Variants in MED13 observed in about 807,000 individuals in gnomAD.
MED13 encodes the protein mediator complex subunit 13, also known as mediator of RNA polymerase II transcription subunit 13.
In MED13, 23 loss-of-function variants were observed where a neutral mutation model predicts 225.2. That is an observed-to-expected ratio of 0.10 (90% CI 0.07 to 0.14). The LOEUF (loss-of-function observed/expected upper bound fraction) is 0.14. Ranked by LOEUF, MED13 falls within the 10% of genes least tolerant of loss-of-function variation. MED13 has a pLI of 1.00. For missense variants in MED13, 2,197 were observed against 2,594.5 expected (o/e 0.85, Z 3.33); for synonymous variants, 942 against 889.2 (o/e 1.06, Z -1.06).
chr17:61,979,557 C>T (rs2080185619), intron 16 of MED13, among the ~76,000 whole-genome samples: 1 of 152,122 alleles, frequency 6.6e-6, no homozygotes, highest in South Asian at 2.1e-4. Context: ...GATCTGCCTG[C>T]CTCAGCCTCC....
chr17:62,043,187 AAG>A (rs1456997126), intron 3 of MED13, among the ~76,000 whole-genome samples: 46 of 149,148 alleles, frequency 3.1e-4, no homozygotes, highest in Non-Finnish European at 5.9e-4. Flanking sequence ...AAAAAAAAGA[AAG>A]AAAGAAAGAA....
chr17:61,995,043 T>C (rs893222990), intron 10 of MED13, 109 bp downstream of exon 10: 65 of 847,890 alleles, frequency 7.7e-5, no homozygotes, highest in Non-Finnish European at 1.1e-4. Context: ...ATGATTACTC[T>C]TTCTATTCTA....
In MED13 at chr17:61,946,959, T is replaced by C. The variant is rs1232366500; in HGVS notation, c.6350A>G (p.His2117Arg). The change falls in exon 29 of 30, where the codon CAC (histidine) becomes CGC (arginine). Residue 2117 changes from histidine to arginine, a missense_variant. This residue lies in a region of MED13 where 216 missense variants were observed against 388.9 expected (regional missense o/e 0.56). Transcript: ENST00000397786. ...VQSDELLHSKHSHPLDSNQTS... is the reference protein window; with the variant it reads ...VQSDELLHSKRSHPLDSNQTS... ...CTGATTTGAGTCAAGTGGGTGGGAG[T>C]GTTTACTGTGAAGCAGCTCGTCAGA... 6.2e-7 allele frequency: 1 copy of C among 1,613,766 alleles called. No homozygotes were observed. The highest frequency in any genetic ancestry group is 8.5e-7 in the Non-Finnish European group (1 of 1,179,946).
chr17:62,045,266 T>TCGCCA (rs1341154149), intron 3 of MED13, among the ~76,000 whole-genome samples: 1 of 152,176 alleles, frequency 6.6e-6, no homozygotes, highest in East Asian at 1.9e-4. Flanking sequence ...CCTAGAAGCA[T>TCGCCA]TTAAAACTTT....
chr17:62,045,037 A>G (rs1178816436), intron 3 of MED13, among the ~76,000 whole-genome samples: 5 of 146,344 alleles, frequency 3.4e-5, no homozygotes, highest in Non-Finnish European at 6.1e-5. Flanking sequence ...ATTTAACAAC[A>G]TATTTTTTCC....
intron 2 of MED13, among the ~76,000 whole-genome samples, chr17:62,054,809 G>T (rs954894418): frequency 1.3e-5 from 2 of 152,002 alleles, no homozygotes; most frequent in African/African-American, 2.4e-5. Flanking sequence ...AATCAATTTA[G>T]TATCTTTTAT....
chr17:61,974,885 A>G (rs1357614044), intron 16 of MED13, among the ~76,000 whole-genome samples: 1 of 152,250 alleles, frequency 6.6e-6, no homozygotes, highest in Non-Finnish European at 1.5e-5. Flanking sequence ...CCTAGACATC[A>G]AAAGCACAAG....
Position 61,982,362 on chromosome 17 carries a change from C to T in MED13, c.3641G>A (p.Ser1214Asn), listed in dbSNP as rs762322618. 1.6e-5 allele frequency: 26 copies of T among 1,614,106 alleles called. 1 individual carries two copies. In the South Asian group the frequency reaches 1.8e-4, roughly 11 times the overall value. The change falls in exon 16 of 30, where the codon AGT becomes AAT. Residue 1214 changes from serine to asparagine, a missense_variant. This residue lies in a region of MED13 where 203 missense variants were observed against 209.7 expected (regional missense o/e 0.97). Transcript: ENST00000397786. ...ACGTACCCAATTGCTAATTACACCA[C>T]TTTTAGGAAAAGGATCTTGGTCTGC... Reference protein sequence around the residue: ...GAADQDPFPKSGVISNWVRVE... With the variant: ...GAADQDPFPKNGVISNWVRVE...
chr17:62,040,403 G>A (rs1181759635), intron 3 of MED13, among the ~76,000 whole-genome samples: 2 of 151,830 alleles, frequency 1.3e-5, no homozygotes, highest in Non-Finnish European at 2.9e-5. Flanking sequence ...CTTCCATCGT[G>A]GAAAAAAAAG....
rs908359939 is a variant in MED13, at chr17:61,982,577, A to G, written c.3426T>C (p.Leu1142=). Residue 1142 remains leucine (L), a synonymous_variant, in exon 16 of 30, where the codon CTT becomes CTC. Coordinates refer to ENST00000397786, the MANE Select transcript of MED13 (RefSeq NM_005121.3). ...GTCCTATGATATCTAGTTCATCTTC[A>G]AGAAATAATCCTGAATTGTTTCCAA... ...RKFGNNSGLF[L]EDELDIIGRN... is the part of the protein sequence containing the mutation. 1 of 1,614,032 alleles carries G rather than the reference A, an allele frequency of 6.2e-7. No individual in the cohort carries two copies. Among genetic ancestry groups the G allele is most frequent in the Non-Finnish European group, 8.5e-7 (1 of 1,180,036 alleles).
chr17:61,992,641 G>A lies in MED13; in HGVS notation c.2182-20C>T. The A allele has an allele frequency of 6.6e-7, 1 of 1,511,110 alleles. No homozygotes were observed. Among genetic ancestry groups the A allele is most frequent in the African/African-American group, 1.4e-5 (1 of 72,958 alleles). The allele number at this position is 1,511,110 out of a possible 1,614,324, so 93.6% of individuals were successfully genotyped here. A position where few individuals can be genotyped will look rare whatever the true frequency, so the allele number is the denominator to read the frequency against. On this transcript the variant is annotated intron_variant, in intron 10 of 29. Transcript: ENST00000397786. The stretch of plus-strand genomic sequence containing the variant: ...TTCTACCTGCAAACAAATATTTCAT[G>A]TTAGGCTGAAATATATAATTTACCA...
At chr17:62,001,410 ATCTTT>A (rs1223629415) in intron 9 of MED13, among the ~76,000 whole-genome samples, 1 of 152,166 alleles carries the variant, frequency 6.6e-6, no homozygotes, top group Non-Finnish European at 1.5e-5. Context: ...ACACAGACAT[ATCTTT>A]TCATTTCAAG....
chr17:61,995,437 C>A, intron 9 of MED13, 72 bp from the exon 10 acceptor site: 1 of 1,052,674 alleles, frequency 9.5e-7, no homozygotes, highest in South Asian at 1.8e-5. Flanking sequence ...CGTTAAGTAT[C>A]ATAATGTTTT....
At chr17:61,971,549 C>T (rs936482164) in intron 17 of MED13, among the ~76,000 whole-genome samples, 10 of 152,144 alleles carry the variant, frequency 6.6e-5, no homozygotes, top group African/African-American at 2.2e-4. Context: ...GATGCACCTG[C>T]CTTGGCCTTC....
intron 8 of MED13, among the ~76,000 whole-genome samples, chr17:62,017,411 G>GA (rs1261424283): frequency 2.0e-5 from 3 of 151,722 alleles, no homozygotes; most frequent in African/African-American, 7.3e-5. Context: ...AGAAGAAACT[G>GA]AAAAAAAGAA....
intron 18 of MED13, 128 bp from the exon 19 acceptor site, chr17:61,966,779 A>G: frequency 1.8e-6 from 1 of 563,340 alleles, no homozygotes; most frequent in Non-Finnish European, 2.7e-6. Flanking sequence ...TATGATAAAA[A>G]TATCAAGGGT....
intron 4 of MED13, among the ~76,000 whole-genome samples, chr17:62,034,449 T>C (rs930906296): frequency 1.4e-5 from 2 of 146,582 alleles, no homozygotes; most frequent in African/African-American, 5.1e-5. Context: ...ATGGCACCAC[T>C]GCACTCTAGC....
intron 23 of MED13, 103 bp from the exon 24 acceptor site, chr17:61,956,584 G>C (rs1351089235): frequency 6.6e-6 from 8 of 1,208,554 alleles, no homozygotes; most frequent in Non-Finnish European, 9.3e-6. Flanking sequence ...ACCCAGGCTG[G>C]ATGGAGTGCA....
chr17:62,025,341 TTTA>T (rs1461115231), intron 8 of MED13, among the ~76,000 whole-genome samples: 2 of 152,216 alleles, frequency 1.3e-5, no homozygotes, highest in Non-Finnish European at 2.9e-5. Context: ...TAAAACATTC[TTTA>T]TTTTTTTCAA....
Sources: gnomAD v4.1 joint callset for allele counts (sites outside exome capture counted in the v4.1 genomes callset) on GRCh38, gnomAD v4.1.1 for gene constraint, gnomAD v4.1.1 regional missense constraint, MANE v1.5 for transcripts, NCBI Gene and HGNC (gene_info 2026-07-23, HGNC 2026-07-21) for gene names.